IFT52: variants seen among roughly 807,000 people sequenced by gnomAD.
The protein encoded by IFT52 is intraflagellar transport protein 52 homolog.
Under a neutral mutation model 54.4 loss-of-function variants are expected in IFT52, and 44 were observed. The ratio of observed to expected loss-of-function variants is 0.81; its 90% CI spans 0.63 to 1.04. The LOEUF (loss-of-function observed/expected upper bound fraction) is 1.04, where lower values mean the gene tolerates loss of function less well. IFT52 is among the 50% of genes least tolerant of loss of function. The pLI is 0.00. For missense variants in IFT52, 452 were observed against 523.6 expected, an observed-to-expected ratio of 0.86 and a Z score of 1.33; for synonymous variants, 181 against 185.3, an observed-to-expected ratio of 0.98 and a Z score of 0.19.
At chr20:43,611,512 C>T (rs1438630236) in intron 6 of IFT52, among the ~76,000 whole-genome samples, 1 of 131,714 alleles carries the variant, frequency 7.6e-6, no homozygotes, top group Non-Finnish European at 1.5e-5. Flanking sequence ...GGCACCATCT[C>T]ATCTCACTGC....
At chr20:43,636,092 C>G in intron 11 of IFT52, 79 bp downstream of exon 11, 3 of 1,323,574 alleles carry the variant, frequency 2.3e-6, no homozygotes, top group Non-Finnish European at 2.2e-6. Context: ...TCGCTGTGGT[C>G]CCTTCCATGT....
At chr20:43,623,822 A>G in intron 9 of IFT52, 69 bp from the exon 10 acceptor site, 1 of 1,497,986 alleles carries the variant, frequency 6.7e-7, no homozygotes, top group Non-Finnish European at 9.1e-7. Context: ...TAGACCTGAG[A>G]CAGTGGAGAC....
chr20:43,602,143 TTTTA>T lies in IFT52; in HGVS notation c.208-1581_208-1578del, dbSNP rs1555801613. Among the ~76,000 whole-genome samples, 110 of 145,642 alleles carry T rather than the reference TTTTA, an allele frequency of 7.6e-4. 1 individual carries two copies. The highest frequency in any genetic ancestry group is 1.1e-3 in the Non-Finnish European group (73 of 66,676). On this transcript the variant is annotated intron_variant, in intron 3 of 13. Coordinates refer to ENST00000373030, the MANE Select transcript of IFT52 (RefSeq NM_016004.5). ...GAAATGGACTTTGAGCTGATTTTTATTTTATTTATTTATTTATTTATTTATTTAT... is the reference window on the plus strand; with the variant it reads ...GAAATGGACTTTGAGCTGATTTTTATTTTATTTATTTATTTATTTATTTAT...
chr20:43,598,658 G>A (rs533358335), intron 3 of IFT52, among the ~76,000 whole-genome samples: 247 of 152,254 alleles, frequency 1.6e-3, no homozygotes, highest in African/African-American at 5.6e-3. Flanking sequence ...TTGCGCCACC[G>A]CACTCCAGCC....
chr20:43,642,335 C>T (rs1985972042), intron 12 of IFT52, 144 bp from the exon 13 acceptor site: 1 of 705,332 alleles, frequency 1.4e-6, no homozygotes, highest in Admixed American at 2.8e-5. Flanking sequence ...GTGTTGAAAT[C>T]CTGTAGTCAC....
At chr20:43,609,284 AAAAT>A (rs1244946055) in intron 6 of IFT52, among the ~76,000 whole-genome samples, 10 of 152,296 alleles carry the variant, frequency 6.6e-5, no homozygotes, top group Non-Finnish European at 1.5e-4. Context: ...TAGTTTTAAA[AAAAT>A]AAATAATACA....
chr20:43,612,018 A>G (rs1162584573), intron 6 of IFT52, among the ~76,000 whole-genome samples: 1 of 152,012 alleles, frequency 6.6e-6, no homozygotes, highest in Non-Finnish European at 1.5e-5. Context: ...TGATAAGAGC[A>G]AAACTCCATC....
In IFT52 at chr20:43,637,048, T is replaced by C. The variant is rs113616962; in HGVS notation, c.1012-97T>C. On this transcript the variant is annotated intron_variant, in intron 11 of 13. Transcript: ENST00000373030. Reference sequence around the variant, plus strand: ...CCTTATTCTCCTTGTGTCTTATCACTGTTAGTTATGATTTTGGACAAGCTC... The same window carrying C: ...CCTTATTCTCCTTGTGTCTTATCACCGTTAGTTATGATTTTGGACAAGCTC... 2.0e-4 allele frequency: 157 copies of C among 786,392 alleles called. No homozygotes were observed. The African/African-American group carries it at 2.4e-3, about 12-fold the overall frequency. 48.7% of individuals were successfully genotyped at this position (786,392 alleles called of 1,614,324 possible). A position where few individuals can be genotyped will look rare whatever the true frequency, so the allele number is the denominator to read the frequency against.
At chr20:43,616,080 C>T (rs1287946598) in intron 7 of IFT52, among the ~76,000 whole-genome samples, 1 of 152,162 alleles carries the variant, frequency 6.6e-6, no homozygotes, top group Non-Finnish European at 1.5e-5. Flanking sequence ...CTTGACATCT[C>T]TGGCTTAGTA....
chr20:43,617,421 T>C (rs1983939916), intron 7 of IFT52, among the ~76,000 whole-genome samples: 1 of 150,548 alleles, frequency 6.6e-6, no homozygotes. Flanking sequence ...ATTTTATGAC[T>C]CTCTCATGCT....
intron 10 of IFT52, among the ~76,000 whole-genome samples, chr20:43,625,861 C>T (rs186615010): frequency 1.3e-5 from 2 of 151,610 alleles, no homozygotes; most frequent in East Asian, 3.9e-4. Flanking sequence ...ATATCCCGAA[C>T]GTCAAGGAGC....
intron 3 of IFT52, among the ~76,000 whole-genome samples, chr20:43,602,143 T>TTTTTTTTA (rs1555801614): frequency 2.1e-5 from 3 of 145,562 alleles, no homozygotes; most frequent in Non-Finnish European, 4.5e-5. Flanking sequence ...CTGATTTTTA[T>TTTTTTTTA]TTTATTTATT....
chr20:43,607,333 C>G (rs1318753729), intron 6 of IFT52, among the ~76,000 whole-genome samples: 1 of 150,264 alleles, frequency 6.7e-6, no homozygotes, highest in Admixed American at 6.6e-5. Context: ...CCCTCCCGGA[C>G]TGGGTGGCTG....
intron 11 of IFT52, 117 bp downstream of exon 11, chr20:43,636,130 A>G (rs1985525701): frequency 3.4e-6 from 3 of 891,312 alleles, no homozygotes; most frequent in African/African-American, 3.3e-5. Flanking sequence ...TTGTGGAGTC[A>G]TAGTGCTCTG....
chr20:43,607,183 C>T (rs1363862649), intron 6 of IFT52, among the ~76,000 whole-genome samples: 1 of 151,704 alleles, frequency 6.6e-6, no homozygotes, highest in Non-Finnish European at 1.5e-5. Flanking sequence ...CCCCTCACCT[C>T]CTGGATGGGG....
chr20:43,615,533 G>T (rs995446839), intron 7 of IFT52, among the ~76,000 whole-genome samples: 9 of 152,130 alleles, frequency 5.9e-5, no homozygotes, highest in Non-Finnish European at 1.3e-4. Flanking sequence ...GCTGGGCGTG[G>T]TGGCTCACAC....
chr20:43,616,029 C>A (rs1463762454), intron 7 of IFT52, among the ~76,000 whole-genome samples: 1 of 151,922 alleles, frequency 6.6e-6, no homozygotes, highest in Non-Finnish European at 1.5e-5. Context: ...GTTTTTTTTA[C>A]CAATTTTTTA....
chr20:43,646,129 T>C (rs1441530721), intron 13 of IFT52, among the ~76,000 whole-genome samples: 1 of 149,944 alleles, frequency 6.7e-6, no homozygotes, highest in Non-Finnish European at 1.5e-5. Context: ...GAGAATGGCA[T>C]GAACCTGGGA....
At chr20:43,615,780 T>A (rs1180305827) in intron 7 of IFT52, among the ~76,000 whole-genome samples, 1 of 151,624 alleles carries the variant, frequency 6.6e-6, no homozygotes, top group Non-Finnish European at 1.5e-5. Context: ...CTACTAAAAT[T>A]ACAAAAATTA....
Sources: gnomAD v4.1 joint callset for allele counts (sites outside exome capture counted in the v4.1 genomes callset) on GRCh38, gnomAD v4.1.1 for gene constraint, MANE v1.5 for transcripts, NCBI Gene and HGNC (gene_info 2026-07-23, HGNC 2026-07-21) for gene names.